The following THSD7B variants were observed in gnomAD, a reference collection of about 807,000 sequenced individuals.
THSD7B encodes the protein thrombospondin type 1 domain containing 7B.
Under a neutral mutation model 213.6 loss-of-function variants are expected in THSD7B, and 138 were observed. The ratio of observed to expected loss-of-function variants is 0.65; its 90% CI spans 0.56 to 0.74. The LOEUF (loss-of-function observed/expected upper bound fraction) is 0.74, where lower values mean the gene tolerates loss of function less well. THSD7B is among the 30% of genes least tolerant of loss of function. The probability of loss-of-function intolerance (pLI) is 0.00; values close to 1 mark genes in which losing one functional copy is unlikely to be tolerated. For missense variants in THSD7B, 1,931 were observed against 1,991.5 expected, an observed-to-expected ratio of 0.97 and a Z score of 0.58; for synonymous variants, 742 against 687.0, an observed-to-expected ratio of 1.08 and a Z score of -1.25.
rs1466496440 is a variant in THSD7B, at chr2:137,655,501, G to A, written c.3946G>A (p.Gly1316Ser). 1 of 1,610,408 alleles carries A rather than the reference G, an allele frequency of 6.2e-7. No homozygotes were observed. The highest frequency in any genetic ancestry group is 1.3e-5 in the African/African-American group (1 of 74,952). The stretch of plus-strand genomic sequence containing the variant: ...GTGAAAGTATCCTTTCCTCTCATAG[G>A]GTGGAGACTGTGGGGAAGGAGTTCA... The part of the protein sequence containing the change: ...LGNWSACKLE[G>S]GDCGEGVQIR... Residue 1316 changes from glycine (G) to serine (S), a missense_variant and splice_region_variant, in exon 22 of 28, where the codon GGT becomes AGT. Coordinates refer to ENST00000409968, the MANE Select transcript of THSD7B (RefSeq NM_001316349.2).
At chr2:137,221,724 T>G (rs573326986) in intron 7 of THSD7B, among the ~76,000 whole-genome samples, 1 of 152,206 alleles carries the variant, frequency 6.6e-6, no homozygotes, top group Admixed American at 6.5e-5. Flanking sequence ...TAAATTACCA[T>G]ACTTTTCCCA....
chr2:137,036,879 T>C (rs1275383658), intron 2 of THSD7B, among the ~76,000 whole-genome samples: 4 of 152,182 alleles, frequency 2.6e-5, no homozygotes, highest in African/African-American at 9.7e-5. Flanking sequence ...ATTGAGCACA[T>C]CAAGACCATT....
At chr2:137,494,063 T>G (rs1679501355) in intron 15 of THSD7B, among the ~76,000 whole-genome samples, 1 of 152,238 alleles carries the variant, frequency 6.6e-6, no homozygotes, top group East Asian at 1.9e-4. Context: ...TTCCTGCCTC[T>G]TGATTAACCA....
chr2:137,182,185 C>T (rs1680468008), intron 7 of THSD7B, among the ~76,000 whole-genome samples: 1 of 152,130 alleles, frequency 6.6e-6, no homozygotes, highest in Admixed American at 6.6e-5. Flanking sequence ...AATACTAAGG[C>T]ATATGGGCAT....
intron 20 of THSD7B, among the ~76,000 whole-genome samples, chr2:137,640,333 C>T (rs1284570885): frequency 6.6e-6 from 1 of 152,144 alleles, no homozygotes; most frequent in Non-Finnish European, 1.5e-5. Flanking sequence ...CTGAGGCCTC[C>T]CCAGCCATGT....
At chr2:136,943,783 T>C (rs1684876032) in intron 2 of THSD7B, among the ~76,000 whole-genome samples, 1 of 152,170 alleles carries the variant, frequency 6.6e-6, no homozygotes, top group Non-Finnish European at 1.5e-5. Context: ...TTCTTCTTTA[T>C]TAGTCTTGCT....
intron 12 of THSD7B, among the ~76,000 whole-genome samples, chr2:137,404,471 ATATAC>A (rs1686456853): frequency 9.0e-6 from 1 of 111,516 alleles, no homozygotes; most frequent in African/African-American, 3.9e-5. Context: ...ATATATATAT[ATATAC>A]ACACACACAC....
chr2:137,550,638 T>C (rs1236332322), intron 15 of THSD7B, among the ~76,000 whole-genome samples: 1 of 152,036 alleles, frequency 6.6e-6, no homozygotes, highest in East Asian at 1.9e-4. Context: ...TTGAAGGGAG[T>C]CAGGAAGCAC....
intron 15 of THSD7B, among the ~76,000 whole-genome samples, chr2:137,541,388 A>G (rs1680607153): frequency 6.6e-6 from 1 of 151,730 alleles, no homozygotes; most frequent in Admixed American, 6.6e-5. Context: ...TAAGGAGACA[A>G]CTATTTTTCA....
intron 10 of THSD7B, among the ~76,000 whole-genome samples, chr2:137,244,901 A>G (rs911465286): frequency 6.6e-6 from 1 of 152,224 alleles, no homozygotes; most frequent in Admixed American, 6.5e-5. Context: ...CTATAAGCCT[A>G]TGGTTCTCAA....
At chr2:136,951,904 C>T (rs1282082534) in intron 2 of THSD7B, among the ~76,000 whole-genome samples, 1 of 152,176 alleles carries the variant, frequency 6.6e-6, no homozygotes, top group Non-Finnish European at 1.5e-5. Flanking sequence ...GAGTCTAGCT[C>T]TGTCGCCCAG....
chr2:137,364,078 T>C (rs1342970771), intron 12 of THSD7B, among the ~76,000 whole-genome samples: 18 of 152,242 alleles, frequency 1.2e-4, no homozygotes, highest in Admixed American at 1.2e-3. Flanking sequence ...AATGCAAGGC[T>C]GGTTCAACAT....
intron 17 of THSD7B, among the ~76,000 whole-genome samples, chr2:137,606,170 C>T (rs1332908217): frequency 6.6e-6 from 1 of 152,036 alleles, no homozygotes; most frequent in Non-Finnish European, 1.5e-5. Context: ...TTCTGGAAAC[C>T]TGAGAGGTGG....
chr2:136,948,394 G>A (rs774106184), intron 2 of THSD7B, among the ~76,000 whole-genome samples: 5 of 151,258 alleles, frequency 3.3e-5, no homozygotes, highest in Non-Finnish European at 7.4e-5. Context: ...TGACTCTCAT[G>A]GTTGACTGAA....
chr2:137,609,135 C>A (rs1278548297), intron 17 of THSD7B, among the ~76,000 whole-genome samples: 1 of 152,124 alleles, frequency 6.6e-6, no homozygotes, highest in African/African-American at 2.4e-5. Context: ...ACTGCCCTTG[C>A]AAAGCTTGCG....
intron 4 of THSD7B, among the ~76,000 whole-genome samples, chr2:137,099,804 T>C (rs913961767): frequency 3.9e-5 from 6 of 152,196 alleles, no homozygotes; most frequent in Non-Finnish European, 7.3e-5. Flanking sequence ...ACCTAGTTTT[T>C]GTGATATTAC....
chr2:136,949,907 T>C (rs749395583), intron 2 of THSD7B, among the ~76,000 whole-genome samples: 43 of 152,332 alleles, frequency 2.8e-4, no homozygotes, highest in Non-Finnish European at 5.7e-4. Flanking sequence ...TGCAGCACTA[T>C]TTACAATAGC....
At chr2:136,811,008 G>C (rs957968967) in intron 1 of THSD7B, among the ~76,000 whole-genome samples, 1 of 152,152 alleles carries the variant, frequency 6.6e-6, no homozygotes, top group African/African-American at 2.4e-5. Context: ...CAAGTTGCGT[G>C]AATGGAACCC....
At chr2:137,638,726 G>A (rs563299154) in intron 20 of THSD7B, among the ~76,000 whole-genome samples, 38 of 152,304 alleles carry the variant, frequency 2.5e-4, no homozygotes, top group African/African-American at 8.7e-4. Flanking sequence ...TCGGGCTGAG[G>A]TGGTCTCAGA....
Sources: allele counts gnomAD v4.1 joint callset (sites outside exome capture counted in the v4.1 genomes callset), GRCh38; gene constraint gnomAD v4.1.1; transcripts MANE v1.5; gene names NCBI Gene and HGNC (gene_info 2026-07-23, HGNC 2026-07-21).